TNKS: variants seen among roughly 807,000 people sequenced by gnomAD.
The protein encoded by TNKS is poly [ADP-ribose] polymerase tankyrase-1.
In TNKS, 72 loss-of-function variants were observed where a neutral mutation model predicts 135.8. That is an observed-to-expected ratio of 0.53 (90% CI 0.44 to 0.64). The LOEUF (loss-of-function observed/expected upper bound fraction) is 0.64. Among genes scored for constraint, TNKS ranks in the 30% least tolerant of loss-of-function variants. TNKS has a pLI of 0.00. For synonymous variants in TNKS, 849 were observed against 649.3 expected (o/e 1.31, Z -4.68); for missense variants, 1,769 against 1,674.0 (o/e 1.06, Z -0.99).
At chr8:9,655,496 A>G (rs1447000158) in intron 3 of TNKS, among the ~76,000 whole-genome samples, 1 of 152,176 alleles carries the variant, frequency 6.6e-6, no homozygotes, top group Non-Finnish European at 1.5e-5. Flanking sequence ...ACCCCCCAGT[A>G]GGGGCGCACT....
At chr8:9,556,730 C>A in intron 1 of TNKS, 118 bp downstream of exon 1, 1 of 1,165,686 alleles carries the variant, frequency 8.6e-7, no homozygotes, top group Non-Finnish European at 1.2e-6. Flanking sequence ...GGTTCTTCAT[C>A]ACCTCACCAG....
intron 3 of TNKS, among the ~76,000 whole-genome samples, chr8:9,671,793 G>C (rs1045850322): frequency 6.6e-6 from 1 of 152,184 alleles, no homozygotes; most frequent in Non-Finnish European, 1.5e-5. Flanking sequence ...TTTAATAGTA[G>C]TCACCCCTTA....
intron 2 of TNKS, among the ~76,000 whole-genome samples, chr8:9,595,012 G>T (rs1017450321): frequency 6.6e-6 from 1 of 152,120 alleles, no homozygotes; most frequent in Non-Finnish European, 1.5e-5. Flanking sequence ...ATTCAGTGAA[G>T]CCTTGAAAAT....
In TNKS at chr8:9,692,141, C is replaced by T. The variant is rs377731183; in HGVS notation, c.1107+11341C>T. On this transcript the variant is annotated intron_variant, in intron 5 of 26. Coordinates refer to ENST00000310430, the MANE Select transcript of TNKS (RefSeq NM_003747.3). ...TTGTGCGTTACTGAGGCTTGGCTTA[C>T]GAATGATCCCATCACCAAGGTAGTG... 1.3e-4 allele frequency among the ~76,000 whole-genome samples: 20 copies of T among 152,224 alleles called. 1 individual carries two copies. The highest frequency in any genetic ancestry group is 7.7e-4 in the East Asian group (4 of 5,176).
intron 5 of TNKS, among the ~76,000 whole-genome samples, chr8:9,688,115 A>G (rs1042939161): frequency 2.6e-5 from 4 of 152,190 alleles, no homozygotes; most frequent in Non-Finnish European, 5.9e-5. Flanking sequence ...TATAACTTAC[A>G]TGTTTCTATG....
At chr8:9,706,304 T>C in intron 7 of TNKS, 51 bp downstream of exon 7, 2 of 1,319,934 alleles carry the variant, frequency 1.5e-6, no homozygotes, top group Non-Finnish European at 2.1e-6. Flanking sequence ...TTTTTTTCTT[T>C]ACCTTGTCAT....
At chr8:9,657,574 C>T (rs1238742757) in intron 3 of TNKS, among the ~76,000 whole-genome samples, 1 of 86,884 alleles carries the variant, frequency 1.2e-5, no homozygotes, top group Non-Finnish European at 2.5e-5. Context: ...CCTCACCTCC[C>T]AGACGGGGCG....
At chr8:9,575,798 A>G (rs1390525839) in intron 1 of TNKS, among the ~76,000 whole-genome samples, 1 of 152,238 alleles carries the variant, frequency 6.6e-6, no homozygotes, top group East Asian at 1.9e-4. Context: ...ATCAATTTGC[A>G]TGGATTTAAC....
At chr8:9,717,072 AATATATATATATATAT>A (rs368231440) in intron 11 of TNKS, among the ~76,000 whole-genome samples, 1 of 79,456 alleles carries the variant, frequency 1.3e-5, no homozygotes, top group South Asian at 5.5e-4. Context: ...GTTGTATTAT[AATATATATATATATAT>A]ATATATATAT....
intron 1 of TNKS, among the ~76,000 whole-genome samples, chr8:9,560,180 A>G (rs1020733358): frequency 1.3e-5 from 2 of 152,244 alleles, no homozygotes; most frequent in Admixed American, 6.5e-5. Context: ...GGACCCATAT[A>G]TTCTGAAGAC....
chr8:9,591,298 G>GT (rs546492437), intron 2 of TNKS, among the ~76,000 whole-genome samples: 3 of 152,170 alleles, frequency 2.0e-5, no homozygotes, highest in Admixed American at 2.0e-4. Context: ...CATATCGTTA[G>GT]TTTTTTTGTT....
At chr8:9,628,031 A>C (rs773162046) in intron 3 of TNKS, among the ~76,000 whole-genome samples, 2 of 152,124 alleles carry the variant, frequency 1.3e-5, no homozygotes, top group African/African-American at 4.8e-5. Context: ...CCTCTCGTCT[A>C]CTTTTTGCTC....
intron 3 of TNKS, among the ~76,000 whole-genome samples, chr8:9,674,870 G>A (rs545784378): frequency 3.9e-5 from 6 of 152,278 alleles, no homozygotes; most frequent in African/African-American, 1.2e-4. Context: ...TGTTTAGATT[G>A]GCCATGATTC....
At chr8:9,614,134 C>T (rs1386590202) in intron 2 of TNKS, among the ~76,000 whole-genome samples, 1 of 152,046 alleles carries the variant, frequency 6.6e-6, no homozygotes, top group African/African-American at 2.4e-5. Context: ...CAAATCTTCA[C>T]GTTAGAATTT....
In TNKS at chr8:9,708,476, C is replaced by CT. The variant is rs1804161271; in HGVS notation, c.1563dup (p.His522SerfsTer2). The CT allele has an allele frequency of 6.2e-7, 1 of 1,605,636 alleles. No homozygotes were observed. Among genetic ancestry groups the CT allele is most frequent in the Non-Finnish European group, 8.5e-7 (1 of 1,176,098 alleles). On this transcript the variant is annotated frameshift_variant, in exon 9 of 27. Coordinates refer to ENST00000310430, the MANE Select transcript of TNKS (RefSeq NM_003747.3). LOFTEE classifies it high-confidence loss of function. ...ATCATTAATTTCAAACAACCGCAGT[C>CT]TCATGAAACAGCACTGGTAAGATTT...
chr8:9,610,598 T>C (rs1799424259), intron 2 of TNKS, among the ~76,000 whole-genome samples: 1 of 152,144 alleles, frequency 6.6e-6, no homozygotes, highest in Non-Finnish European at 1.5e-5. Context: ...AAAAATTTTC[T>C]TTGCTTAAAA....
At chr8:9,571,743 C>T (rs1473221949) in intron 1 of TNKS, among the ~76,000 whole-genome samples, 2 of 152,154 alleles carry the variant, frequency 1.3e-5, no homozygotes, top group Admixed American at 1.3e-4. Context: ...GGATCACAGA[C>T]GTGAGCCACC....
chr8:9,700,601 A>C (rs11249941), intron 5 of TNKS, among the ~76,000 whole-genome samples: 110,810 of 150,746 alleles, frequency 0.74, 40,841 homozygotes, highest in Middle Eastern at 0.82. Context: ...CCTTTCCCTT[A>C]CACTCCCTTC....
chr8:9,619,041 G>A (rs992926386), intron 3 of TNKS, among the ~76,000 whole-genome samples: 1 of 152,142 alleles, frequency 6.6e-6, no homozygotes, highest in Non-Finnish European at 1.5e-5. Context: ...TTCACATTTA[G>A]GTAGGTTGTT....
Sources: allele counts gnomAD v4.1 joint callset (sites outside exome capture counted in the v4.1 genomes callset), GRCh38; gene constraint gnomAD v4.1.1; transcripts MANE v1.5; gene names NCBI Gene and HGNC (gene_info 2026-07-23, HGNC 2026-07-21).